LAMA3: variants seen among roughly 807,000 people sequenced by gnomAD.
The protein encoded by LAMA3 is laminin subunit alpha 3.
In LAMA3, 281 loss-of-function variants were observed where a neutral mutation model predicts 402.0. The observed-to-expected ratio is 0.70, with a 90% CI of 0.63 to 0.77. The LOEUF (loss-of-function observed/expected upper bound fraction) is 0.77, where lower values mean the gene tolerates loss of function less well. Ranked by LOEUF, LAMA3 falls within the 30% of genes least tolerant of loss-of-function variation. The probability of loss-of-function intolerance (pLI) is 0.00; values close to 1 mark genes in which losing one functional copy is unlikely to be tolerated. For missense variants in LAMA3, 3,840 were observed against 4,215.5 expected, an observed-to-expected ratio of 0.91 and a Z score of 2.47; for synonymous variants, 1,431 against 1,558.4, an observed-to-expected ratio of 0.92 and a Z score of 1.93.
chr18:23,757,200 C>G (rs992882929), intron 6 of LAMA3, among the ~76,000 whole-genome samples: 41 of 152,050 alleles, frequency 2.7e-4, no homozygotes, highest in African/African-American at 9.4e-4. Flanking sequence ...TCCAAGCAAC[C>G]CGAACTTTCG....
chr18:23,874,231 T>C (rs2064629510), intron 38 of LAMA3, among the ~76,000 whole-genome samples: 1 of 152,230 alleles, frequency 6.6e-6, no homozygotes, highest in East Asian at 1.9e-4. Flanking sequence ...CTTTACCAAA[T>C]GTGATTATTT....
chr18:23,927,879 CCATTCTTCTGTTAA>C (rs2082053103), intron 62 of LAMA3, among the ~76,000 whole-genome samples: 1 of 151,852 alleles, frequency 6.6e-6, no homozygotes, highest in Admixed American at 6.6e-5. Context: ...CGGCCACTGG[CCATTCTTCTGTTAA>C]CATTGTTGTC....
intron 2 of LAMA3, among the ~76,000 whole-genome samples, chr18:23,714,408 T>A (rs1253158535): frequency 1.3e-5 from 2 of 152,024 alleles, no homozygotes; most frequent in Admixed American, 1.3e-4. Context: ...TAATCCCAGC[T>A]ACTTGGGAGG....
chr18:23,847,660 G>T lies in LAMA3; in HGVS notation c.4128G>T (p.Gly1376=). The T allele has an allele frequency of 1.9e-6, 3 of 1,613,324 alleles. No homozygotes were observed. Among genetic ancestry groups the T allele is most frequent in the East Asian group, 4.5e-5 (2 of 44,866 alleles). The change falls in exon 32 of 75, where the codon GGG becomes GGT. Residue 1376 remains glycine, a synonymous_variant. Transcript: ENST00000313654. ...TGCCGGAGTGTGACCGGGACAGCGGGCAGTGCAGGTGAGCTGGGGGAGTAG... is the reference window on the plus strand; with the variant it reads ...TGCCGGAGTGTGACCGGGACAGCGGTCAGTGCAGGTGAGCTGGGGGAGTAG... ...AAMPECDRDS[G]QCRCKPRITG...
intron 8 of LAMA3, among the ~76,000 whole-genome samples, chr18:23,772,606 G>C (rs1181804551): frequency 1.3e-5 from 2 of 152,094 alleles, no homozygotes; most frequent in African/African-American, 4.8e-5. Context: ...TTAGCCTATG[G>C]GAAAATGAGC....
Position 23,857,990 on chromosome 18 carries a change from T to G in LAMA3, c.4281+2T>G, listed in dbSNP as rs2144714757. On this transcript the variant is annotated splice_donor_variant, in intron 33 of 74. Transcript: ENST00000313654. LOFTEE classifies it high-confidence loss of function. ...GGGACCGGGGCTTGCCTCTGCAAGG[T>G]AAGAGAGATCGTGCAATGCCAGACA... The G allele has an allele frequency of 6.2e-7, 1 of 1,614,100 alleles. No homozygotes were observed. Among genetic ancestry groups the G allele is most frequent in the Middle Eastern group, 1.6e-4 (1 of 6,062 alleles).
chr18:23,780,177 G>A (rs553053287), intron 11 of LAMA3, among the ~76,000 whole-genome samples: 69 of 152,316 alleles, frequency 4.5e-4, no homozygotes, highest in African/African-American at 1.5e-3. Flanking sequence ...TGCCTGTGCT[G>A]TGCTAGTCAC....
At chr18:23,747,308 A>G (rs1216360115) in intron 2 of LAMA3, among the ~76,000 whole-genome samples, 2 of 152,180 alleles carry the variant, frequency 1.3e-5, no homozygotes, top group African/African-American at 4.8e-5. Context: ...TGGGAGGTGA[A>G]GAAAGAAGGA....
At chr18:23,705,612 C>T (rs1411886770) in intron 1 of LAMA3, among the ~76,000 whole-genome samples, 1 of 152,130 alleles carries the variant, frequency 6.6e-6, no homozygotes, top group Non-Finnish European at 1.5e-5. Context: ...GCAGCCTCGA[C>T]TTCCCAGGCT....
At chr18:23,764,230 A>G (rs550586039) in intron 8 of LAMA3, among the ~76,000 whole-genome samples, 9 of 152,274 alleles carry the variant, frequency 5.9e-5, no homozygotes, top group Admixed American at 2.0e-4. Context: ...ACCATTCTTC[A>G]TTTGTCTCCC....
Position 23,916,589 on chromosome 18 carries a change from CGG to C in LAMA3, c.7819_7820del (p.Gly2607LeufsTer25), listed in dbSNP as rs1356353167. ...TCAGACAAAAATTATTTTGAAGGTA[CGG>C]GCTATGCTCGAGTTCCAACTCAACC... On this transcript the variant is annotated frameshift_variant, in exon 60 of 75. Coordinates refer to ENST00000313654, the MANE Select transcript of LAMA3 (RefSeq NM_198129.4). LOFTEE classifies it high-confidence loss of function. 6.2e-7 allele frequency: 1 copy of C among 1,613,882 alleles called. No homozygotes were observed. Among genetic ancestry groups the C allele is most frequent in the East Asian group, 2.2e-5 (1 of 44,900 alleles).
intron 1 of LAMA3, among the ~76,000 whole-genome samples, chr18:23,692,444 G>C (rs140799983): frequency 6.6e-6 from 1 of 152,200 alleles, no homozygotes; most frequent in African/African-American, 2.4e-5. Context: ...GCTAATTTTT[G>C]TATTTTTAGT....
chr18:23,905,749 T>C (rs972252150), intron 52 of LAMA3, 125 bp downstream of exon 52: 7 of 505,012 alleles, frequency 1.4e-5, no homozygotes, highest in South Asian at 4.4e-5. Flanking sequence ...ATGATACCCT[T>C]TATTTATTTT....
chr18:23,690,140 C>T (rs2060553577), intron 1 of LAMA3, among the ~76,000 whole-genome samples, 163 bp downstream of exon 1: 1 of 152,208 alleles, frequency 6.6e-6, no homozygotes. Context: ...GACCCAGGAG[C>T]GATCTCGTGG....
At chr18:23,953,493 C>T (rs550491494) in intron 74 of LAMA3, among the ~76,000 whole-genome samples, 1 of 152,106 alleles carries the variant, frequency 6.6e-6, no homozygotes, top group South Asian at 2.1e-4. Context: ...AGGCACATGC[C>T]ACCACGCCTG....
intron 40 of LAMA3, among the ~76,000 whole-genome samples, chr18:23,882,725 C>T (rs1306512178): frequency 6.6e-6 from 1 of 152,048 alleles, no homozygotes; most frequent in East Asian, 1.9e-4. Context: ...AGCTACTTTT[C>T]GAGCACCCAT....
intron 23 of LAMA3, among the ~76,000 whole-genome samples, chr18:23,830,515 T>C (rs1422416790): frequency 1.3e-5 from 2 of 152,248 alleles, no homozygotes; most frequent in Admixed American, 6.5e-5. Flanking sequence ...CCAGTGGATA[T>C]GTTTCAGTCC....
In LAMA3 at chr18:23,876,313, A is replaced by G. The variant is rs766860549; in HGVS notation, c.5018A>G (p.Tyr1673Cys). ...DSCQGCSPGY[Y>C]RDHKGLYTGR... ...AAATAGGGTTGTAGCCCTGGATACT[A>G]TCGGGATCATAAAGGCTTGTATACC... Residue 1673 changes from tyrosine to cysteine, a missense_variant, in exon 39 of 75, where the codon TAT becomes TGT. Physicochemically the swap from Tyr to Cys is radical, Grantham distance 194. Around this residue, in one of 3 missense-constraint regions of LAMA3, gnomAD observed 2,109 missense variants for 2,376.0 expected, o/e 0.89. Transcript: ENST00000313654. The G allele has an allele frequency of 3.1e-6, 5 of 1,613,312 alleles. No individual in the cohort carries two copies. Among genetic ancestry groups the G allele is most frequent in the Middle Eastern group, 1.6e-4 (1 of 6,062 alleles).
chr18:23,946,251 T>G lies in LAMA3; in HGVS notation c.9318T>G (p.Val3106=). Residue 3106 remains valine (V), a synonymous_variant, in exon 70 of 75, where the codon GTT becomes GTG. Coordinates refer to ENST00000313654, the MANE Select transcript of LAMA3 (RefSeq NM_198129.4). ...GNSTISIRAP[V]YLGSPPSGKP... ...CCACCATCAGCATCAGAGCGCCAGTTTACCTGGGATCACCTCCATCAGGGA... is the reference window on the plus strand; with the variant it reads ...CCACCATCAGCATCAGAGCGCCAGTGTACCTGGGATCACCTCCATCAGGGA... The G allele has an allele frequency of 6.2e-7, 1 of 1,614,144 alleles. No individual in the cohort carries two copies.
Sources: allele counts gnomAD v4.1 joint callset (sites outside exome capture counted in the v4.1 genomes callset), GRCh38; gene constraint gnomAD v4.1.1; regional missense constraint gnomAD v4.1.1; transcripts MANE v1.5; gene names NCBI Gene and HGNC (gene_info 2026-07-23, HGNC 2026-07-21).